CYP4X1: variants seen among roughly 807,000 people sequenced by gnomAD.
CYP4X1 encodes cytochrome P450 4X1.
A neutral mutation model predicts 57.9 loss-of-function variants in CYP4X1; 44 were observed. That is an observed-to-expected ratio of 0.76 (90% confidence interval 0.60 to 0.98). CYP4X1 has a LOEUF of 0.98. CYP4X1 is among the 50% of genes least tolerant of loss of function. The pLI, the probability that CYP4X1 is intolerant of heterozygous loss-of-function variation, is 0.00. For synonymous variants in CYP4X1, 227 were observed against 228.6 expected (o/e 0.99, Z 0.06); for missense variants, 532 against 623.9 (o/e 0.85, Z 1.57).
chr1:47,039,426 G>A lies in CYP4X1; in HGVS notation c.967G>A (p.Ala323Thr). ...GTTGGCAGGACATGACACCTTGGCA[G>A]CAAGCATCTCCTGGATCCTTTACTG... ...FLLAGHDTLA[A>T]SISWILYCLA... Residue 323 changes from alanine (A) to threonine (T), a missense_variant, in exon 8 of 12, where the codon GCA becomes ACA. By Grantham distance (58) the Ala-to-Thr change is moderately conservative (BLOSUM62 0). Transcript: ENST00000371901. The A allele has an allele frequency of 1.9e-6, 3 of 1,613,714 alleles. No individual in the cohort carries two copies. The highest frequency in any genetic ancestry group is 2.5e-6 in the Non-Finnish European group (3 of 1,179,800).
chr1:47,044,300 A>C (rs1644277614), intron 8 of CYP4X1, among the ~76,000 whole-genome samples: 1 of 152,190 alleles, frequency 6.6e-6, no homozygotes, highest in African/African-American at 2.4e-5. Flanking sequence ...TACATAAAGC[A>C]TAGTTATAAA....
intron 8 of CYP4X1, among the ~76,000 whole-genome samples, chr1:47,043,209 T>C (rs1215752106): frequency 6.6e-6 from 1 of 152,232 alleles, no homozygotes; most frequent in Non-Finnish European, 1.5e-5. Context: ...TGATCATTAG[T>C]GATGTTGAGC....
downstream of CYP4X1, among the ~76,000 whole-genome samples, chr1:47,052,721 G>A (rs1569669939): frequency 6.6e-6 from 1 of 151,976 alleles, no homozygotes; most frequent in East Asian, 1.9e-4. Context: ...AACAAATTGT[G>A]TTTGCCCTAG....
rs1389578614 is a variant in CYP4X1 at position 47,023,962 on chromosome 1, C to A, written c.145C>A (p.Pro49Thr). The A allele has an allele frequency of 6.2e-7, 1 of 1,612,816 alleles. No homozygotes were observed. Among genetic ancestry groups the A allele is most frequent in the Non-Finnish European group, 8.5e-7 (1 of 1,179,774 alleles). The change falls in exon 1 of 12, where the codon CCC becomes ACC. Residue 49 changes from proline (P) to threonine (T), a missense_variant. Coordinates refer to ENST00000371901, the MANE Select transcript of CYP4X1 (RefSeq NM_178033.2). ...GCGGGACCTGCGCCCCTTCCCAGCG[C>A]CCCCCACCCACTGGTTCCTTGGGCA... is the stretch of plus-strand genomic sequence containing the variant. The part of the protein sequence containing the change: ...LLRDLRPFPA[P>T]PTHWFLGHQK...
chr1:47,014,366 G>T, the CYP4X1 span, among the ~76,000 whole-genome samples: 1 of 152,126 alleles, frequency 6.6e-6, no homozygotes, highest in Admixed American at 6.6e-5. Flanking sequence ...GGAATTGGGG[G>T]TGAGGTTGGG....
the CYP4X1 span, chr1:46,961,747 C>A: frequency 7.6e-7 from 1 of 1,312,174 alleles, no homozygotes; most frequent in Non-Finnish European, 1.0e-6. Flanking sequence ...CTTCTTCCTC[C>A]AGTGGATTGG....
At chr1:47,023,109 A>G (rs139495089), upstream of CYP4X1, among the ~76,000 whole-genome samples, 56 of 152,332 alleles carry the variant, frequency 3.7e-4, 1 homozygote, top group East Asian at 0.011. Context: ...GTCATCTTAG[A>G]ATTGTTAATA....
chr1:47,024,271 C>T (rs1644037125), intron 1 of CYP4X1, among the ~76,000 whole-genome samples: 1 of 152,216 alleles, frequency 6.6e-6, no homozygotes, highest in Non-Finnish European at 1.5e-5. Flanking sequence ...AGAAAGCGAG[C>T]TGTAACTCAA....
the CYP4X1 span, among the ~76,000 whole-genome samples, chr1:46,964,366 T>TTTTTACCCAAA: frequency 6.6e-6 from 1 of 152,208 alleles, no homozygotes; most frequent in East Asian, 1.9e-4. Flanking sequence ...CCCTTCTTTG[T>TTTTTACCCAAA]GGTTTTATCT....
chr1:47,039,134 T>G (rs145849119), intron 7 of CYP4X1, among the ~76,000 whole-genome samples: 259 of 152,254 alleles, frequency 1.7e-3, no homozygotes, highest in African/African-American at 5.9e-3. Flanking sequence ...GAGGGCCCTT[T>G]GTGCAAGGCC....
chr1:47,039,571 C>A, intron 8 of CYP4X1, 39 bp downstream of exon 8: 2 of 1,532,792 alleles, frequency 1.3e-6, no homozygotes, highest in Non-Finnish European at 1.8e-6. Context: ...CTAGTTTTCC[C>A]CCTGAGATTT....
chr1:47,036,297 C>A, intron 6 of CYP4X1, 126 bp downstream of exon 6: 1 of 1,173,880 alleles, frequency 8.5e-7, no homozygotes, highest in South Asian at 3.0e-5. Flanking sequence ...TTTATATAGA[C>A]ACTGCTCCAA....
the CYP4X1 span, among the ~76,000 whole-genome samples, chr1:47,008,039 C>T: frequency 6.6e-6 from 1 of 152,170 alleles, no homozygotes; most frequent in Non-Finnish European, 1.5e-5. Flanking sequence ...TCTAGCAAGG[C>T]AGGCCAACAT....
At chr1:47,011,593 A>G in the CYP4X1 span, among the ~76,000 whole-genome samples, 5 of 152,232 alleles carry the variant, frequency 3.3e-5, no homozygotes, top group Non-Finnish European at 7.3e-5. Flanking sequence ...CTGCACAGCA[A>G]AAGAAACTAC....
chr1:47,005,468 T>C, the CYP4X1 span, among the ~76,000 whole-genome samples: 16 of 152,178 alleles, frequency 1.1e-4, no homozygotes, highest in South Asian at 4.1e-4. Context: ...GGATTATCTA[T>C]TGGGGCAAAG....
Position 47,038,687 on chromosome 1 carries a change from C to A in CYP4X1, c.803C>A (p.Ser268Tyr). The stretch of plus-strand genomic sequence containing the variant: ...ACAATAATCCAGGAAAGAAAGAAAT[C>A]CCTCCAGGCTGGGGTAAAGCAGGAT... ...TDTIIQERKK[S>Y]LQAGVKQDNT... The change falls in exon 7 of 12, where the codon TCC (serine) becomes TAC (tyrosine). Residue 268 changes from serine to tyrosine, a missense_variant. By Grantham distance (144) the Ser-to-Tyr change is moderately radical. Coordinates refer to ENST00000371901, the MANE Select transcript of CYP4X1 (RefSeq NM_178033.2). The A allele has an allele frequency of 6.2e-7, 1 of 1,607,720 alleles. No homozygotes were observed. Among genetic ancestry groups the A allele is most frequent in the Non-Finnish European group, 8.5e-7 (1 of 1,177,028 alleles).
the CYP4X1 span, among the ~76,000 whole-genome samples, chr1:46,981,377 A>G: frequency 6.6e-6 from 1 of 152,248 alleles, no homozygotes; most frequent in Non-Finnish European, 1.5e-5. Context: ...AGACACATGA[A>G]AAAAAGCTCA....
the CYP4X1 span, chr1:46,961,875 C>A: frequency 1.1e-6 from 1 of 901,680 alleles, no homozygotes; most frequent in Non-Finnish European, 1.5e-6. Context: ...CTCTTTGTGC[C>A]TGTCTTAGGT....
chr1:47,035,185 C>T (rs1644166694), intron 4 of CYP4X1, among the ~76,000 whole-genome samples: 1 of 151,848 alleles, frequency 6.6e-6, no homozygotes, highest in Non-Finnish European at 1.5e-5. Flanking sequence ...TATACAAATA[C>T]ATTTTCAACC....
Sources: allele counts gnomAD v4.1 joint callset (sites outside exome capture counted in the v4.1 genomes callset), GRCh38; gene constraint gnomAD v4.1.1; transcripts MANE v1.5; gene names NCBI Gene and HGNC (gene_info 2026-07-23, HGNC 2026-07-21).